Variants in PRR5L observed in about 807,000 individuals in gnomAD.
PRR5L encodes proline rich 5 like, also known as proline-rich protein 5-like.
Under a neutral mutation model 36.4 loss-of-function variants are expected in PRR5L, and 21 were observed. That is an observed-to-expected ratio of 0.58 (90% confidence interval 0.41 to 0.83). The LOEUF is 0.83. Among genes scored for constraint, PRR5L ranks in the 40% least tolerant of loss-of-function variants. PRR5L has a pLI of 0.00. For missense variants in PRR5L, 381 were observed against 473.3 expected (o/e 0.80, Z 1.81); for synonymous variants, 188 against 197.0 (o/e 0.95, Z 0.38).
chr11:36,462,450 A>G lies in PRR5L; in HGVS notation c.821A>G (p.Glu274Gly). The stretch of plus-strand genomic sequence containing the variant: ...GAGATGGTCTTGACCCCACTGACAG[A>G]GCAGGAGGGGGAAGCCTACCTGGAG... The part of the protein sequence containing the change: ...LNEMVLTPLT[E>G]QEGEAYLEKC... Residue 274 changes from glutamate to glycine, a missense_variant, in exon 9 of 9, where the codon GAG becomes GGG. Glu to Gly is a moderately conservative substitution (Grantham distance 98, BLOSUM62 -2). Coordinates refer to ENST00000530639, the MANE Select transcript of PRR5L (RefSeq NM_001160167.2). The G allele has an allele frequency of 6.2e-7, 1 of 1,606,632 alleles. No homozygotes were observed. The highest frequency in any genetic ancestry group is 8.5e-7 in the Non-Finnish European group (1 of 1,176,082).
intron 1 of PRR5L, among the ~76,000 whole-genome samples, chr11:36,304,255 A>G (rs1856406844): frequency 1.3e-5 from 2 of 152,210 alleles, no homozygotes; most frequent in African/African-American, 2.4e-5. Context: ...GTTCATCTAC[A>G]TATGTTCCTG....
intron 3 of PRR5L, among the ~76,000 whole-genome samples, chr11:36,406,861 AAG>A (rs1261147917): frequency 6.6e-6 from 1 of 152,216 alleles, no homozygotes; most frequent in Non-Finnish European, 1.5e-5. Context: ...TTTTTAACCA[AAG>A]AGAGCAGTTT....
chr11:36,446,465 C>T, intron 7 of PRR5L, 25 bp downstream of exon 7: 1 of 1,611,744 alleles, frequency 6.2e-7, no homozygotes, highest in Non-Finnish European at 8.5e-7. Flanking sequence ...GAGACTTGCC[C>T]CAAGGCAGAG....
intron 1 of PRR5L, among the ~76,000 whole-genome samples, chr11:36,315,810 G>A (rs941180443): frequency 6.6e-6 from 1 of 152,244 alleles, no homozygotes; most frequent in Non-Finnish European, 1.5e-5. Context: ...ATATTGTGCT[G>A]TGTGATAATT....
At chr11:36,335,826 T>C (rs961206134) in intron 1 of PRR5L, among the ~76,000 whole-genome samples, 4 of 152,246 alleles carry the variant, frequency 2.6e-5, no homozygotes, top group African/African-American at 9.6e-5. Context: ...TCTTTATAAA[T>C]ATTTTCTTAT....
intron 1 of PRR5L, among the ~76,000 whole-genome samples, chr11:36,360,640 T>C (rs1432355493): frequency 6.6e-6 from 1 of 152,198 alleles, no homozygotes; most frequent in Non-Finnish European, 1.5e-5. Flanking sequence ...TGCATGTGTG[T>C]GTGTATGTTT....
At chr11:36,311,199 A>G (rs993380033) in intron 1 of PRR5L, among the ~76,000 whole-genome samples, 1 of 152,160 alleles carries the variant, frequency 6.6e-6, no homozygotes, top group African/African-American at 2.4e-5. Flanking sequence ...CATTTTGTTC[A>G]GTGCTAGTCC....
chr11:36,415,907 C>G (rs1233775664), intron 3 of PRR5L, among the ~76,000 whole-genome samples: 1 of 152,180 alleles, frequency 6.6e-6, no homozygotes, highest in African/African-American at 2.4e-5. Flanking sequence ...AATTGACCAA[C>G]AAATATGTTA....
intron 1 of PRR5L, among the ~76,000 whole-genome samples, chr11:36,388,600 GT>G (rs1857498275): frequency 6.6e-6 from 1 of 152,034 alleles, no homozygotes; most frequent in African/African-American, 2.4e-5. Flanking sequence ...AGTGAAAAGG[GT>G]AAATGCTCTT....
At chr11:36,409,336 C>T (rs538025086) in intron 3 of PRR5L, among the ~76,000 whole-genome samples, 1 of 152,116 alleles carries the variant, frequency 6.6e-6, no homozygotes, top group African/African-American at 2.4e-5. Context: ...CGGCCTGAGA[C>T]AGGAAACGCA....
At position 36,345,976 on chromosome 11, in the gene PRR5L, C is replaced by T. The variant is rs144587747; in HGVS notation, c.-126+49538C>T. On this transcript the variant is annotated intron_variant, in intron 1 of 8. Transcript: ENST00000530639. ...AAGAGGCTTATTGACACAGTGAGAG[C>T]GTCACGTTTGAGATTAGGGCTGTAT... 2.2e-3 allele frequency among the ~76,000 whole-genome samples: 339 copies of T among 152,290 alleles called. 2 individuals are homozygous for T. The highest frequency in any genetic ancestry group is 7.0e-3 in the African/African-American group (289 of 41,556).
chr11:36,430,957 C>G (rs879875879), intron 4 of PRR5L, among the ~76,000 whole-genome samples: 1 of 152,160 alleles, frequency 6.6e-6, no homozygotes, highest in Non-Finnish European at 1.5e-5. Flanking sequence ...ATACATATCA[C>G]CTTTGCAGCT....
intron 1 of PRR5L, chr11:36,329,194 G>A (rs778306667): frequency 3.3e-5 from 5 of 152,180 alleles, no homozygotes; most frequent in Non-Finnish European, 5.9e-5. Context: ...GAGGATGACA[G>A]TGGCAATGTT....
intron 3 of PRR5L, among the ~76,000 whole-genome samples, chr11:36,417,451 C>T (rs931303234): frequency 7.2e-5 from 11 of 152,210 alleles, no homozygotes; most frequent in Admixed American, 6.5e-4. Context: ...CCAACCCGCT[C>T]TTAGTCCAGT....
intron 1 of PRR5L, among the ~76,000 whole-genome samples, chr11:36,390,911 G>A (rs1434320273): frequency 6.6e-6 from 1 of 152,190 alleles, no homozygotes; most frequent in Non-Finnish European, 1.5e-5. Flanking sequence ...TTAGAGAATG[G>A]ATCAGTTGAG....
chr11:36,384,576 T>G (rs140806996), intron 1 of PRR5L, among the ~76,000 whole-genome samples: 210 of 152,330 alleles, frequency 1.4e-3, no homozygotes, highest in African/African-American at 4.8e-3. Context: ...GAGCCTCTAT[T>G]CAATGCCTGT....
intron 8 of PRR5L, 39 bp from the exon 9 acceptor site, chr11:36,462,303 C>G (rs116727896): frequency 2.0e-6 from 3 of 1,481,960 alleles, no homozygotes; most frequent in Admixed American, 2.5e-5. Flanking sequence ...ACCAATACCC[C>G]CTCCCCAATA....
chr11:36,426,259 G>A (rs1441817217), intron 4 of PRR5L: 1 of 152,180 alleles, frequency 6.6e-6, no homozygotes, highest in Non-Finnish European at 1.5e-5. Context: ...AGTAGGTCTG[G>A]GTTCTAATCT....
intron 7 of PRR5L, among the ~76,000 whole-genome samples, chr11:36,450,072 C>G (rs1489083549): frequency 6.6e-6 from 1 of 152,174 alleles, no homozygotes; most frequent in Non-Finnish European, 1.5e-5. Context: ...CCCCCAGCCC[C>G]TGGCCGCACC....
Sources: allele counts gnomAD v4.1 joint callset (sites outside exome capture counted in the v4.1 genomes callset), GRCh38; gene constraint gnomAD v4.1.1; transcripts MANE v1.5; gene names NCBI Gene and HGNC (gene_info 2026-07-23, HGNC 2026-07-21).